Variants in TANC2 observed in about 807,000 individuals in gnomAD.
The protein encoded by TANC2 is protein TANC2.
A neutral mutation model predicts 210.5 loss-of-function variants in TANC2; 26 were observed. The ratio of observed to expected loss-of-function variants is 0.12; its 90% CI spans 0.09 to 0.17. TANC2 has a LOEUF of 0.17. Ranked by LOEUF, TANC2 falls within the 10% of genes least tolerant of loss-of-function variation. The pLI is 1.00. For synonymous variants in TANC2, 931 were observed against 967.1 expected (o/e 0.96, Z 0.69); for missense variants, 2,129 against 2,608.9 (o/e 0.82, Z 4.01).
intron 9 of TANC2, among the ~76,000 whole-genome samples, chr17:63,304,691 C>CT (rs576643917): frequency 1.9e-4 from 29 of 152,194 alleles, no homozygotes; most frequent in Non-Finnish European, 3.5e-4. Context: ...GGAGCAAAGA[C>CT]TAAGTCTGCT....
intron 5 of TANC2, among the ~76,000 whole-genome samples, chr17:63,176,240 A>G (rs1483073653): frequency 6.6e-6 from 1 of 152,228 alleles, no homozygotes; most frequent in African/African-American, 2.4e-5. Context: ...AAGACTTTAC[A>G]TGGACATTTA....
rs1488275197 is a variant in TANC2 at position 63,203,799 on chromosome 17, A to G, written c.769+2842A>G. On this transcript the variant is annotated intron_variant, in intron 7 of 27. Coordinates refer to ENST00000689528, the Ensembl canonical transcript of TANC2. ...GAATGAGCCAGTGGACACCAAAAAA[A>G]AAGTAGTCAGATAAATAGGAGAAAA... 2.0e-5 allele frequency among the ~76,000 whole-genome samples: 3 copies of G among 152,208 alleles called. No homozygotes were observed. The East Asian group carries it at 5.8e-4, about 29-fold the overall frequency.
intron 2 of TANC2, among the ~76,000 whole-genome samples, chr17:63,014,598 C>A (rs555472567): frequency 3.3e-5 from 5 of 152,240 alleles, no homozygotes; most frequent in Admixed American, 3.3e-4. Flanking sequence ...TGCATGGCCA[C>A]TAATGTCTTT....
chr17:63,253,193 G>A (rs1243247088), intron 8 of TANC2, among the ~76,000 whole-genome samples: 3 of 152,132 alleles, frequency 2.0e-5, no homozygotes, highest in African/African-American at 7.2e-5. Flanking sequence ...GCATTTCTCT[G>A]ATGTCAGTGA....
intron 7 of TANC2, among the ~76,000 whole-genome samples, chr17:63,209,312 C>A (rs2041815990): frequency 6.6e-6 from 1 of 152,008 alleles, no homozygotes; most frequent in South Asian, 2.1e-4. Flanking sequence ...TGCACCCGGC[C>A]ACACTTTTTT....
chr17:63,168,434 T>A (rs2040290541), intron 5 of TANC2, among the ~76,000 whole-genome samples: 1 of 152,196 alleles, frequency 6.6e-6, no homozygotes, highest in Admixed American at 6.5e-5. Context: ...CAAGGGACCA[T>A]TCTTCCTACC....
At chr17:63,282,945 T>A (rs1309833445) in intron 9 of TANC2, among the ~76,000 whole-genome samples, 1 of 152,088 alleles carries the variant, frequency 6.6e-6, no homozygotes, top group African/African-American at 2.4e-5. Flanking sequence ...CAGTGTCTTT[T>A]GAAGACAGAA....
chr17:63,305,067 G>A (rs1358177930), intron 9 of TANC2, among the ~76,000 whole-genome samples: 2 of 152,224 alleles, frequency 1.3e-5, no homozygotes, highest in African/African-American at 4.8e-5. Context: ...AGATGGCTTA[G>A]ACAGCAGGCA....
chr17:62,967,546 C>G (rs1221880033), intron 1 of TANC2: 1 of 152,198 alleles, frequency 6.6e-6, no homozygotes, highest in Non-Finnish European at 1.5e-5. Context: ...ACTCTCTTCT[C>G]TGCTCCTCTC....
At chr17:63,252,889 G>A (rs765036704) in intron 8 of TANC2, among the ~76,000 whole-genome samples, 61 of 152,134 alleles carry the variant, frequency 4.0e-4, no homozygotes, top group Admixed American at 6.6e-4. Context: ...TTCTGTTGAT[G>A]GACACTTAGG....
intron 9 of TANC2, among the ~76,000 whole-genome samples, chr17:63,292,580 G>T (rs973698439): frequency 6.6e-6 from 1 of 152,188 alleles, no homozygotes; most frequent in Admixed American, 6.5e-5. Context: ...CAAACTTTGG[G>T]TGGTAAAAGG....
At chr17:63,178,226 G>T (rs913407605) in intron 5 of TANC2, among the ~76,000 whole-genome samples, 9 of 152,084 alleles carry the variant, frequency 5.9e-5, no homozygotes, top group African/African-American at 2.2e-4. Flanking sequence ...CCAGCTACTC[G>T]GGAGGCTGAG....
At chr17:63,299,484 A>T (rs2044640021) in intron 9 of TANC2, among the ~76,000 whole-genome samples, 1 of 148,086 alleles carries the variant, frequency 6.8e-6, no homozygotes, top group Admixed American at 6.7e-5. Flanking sequence ...ATGAGATGGT[A>T]TCTCATTGTG....
chr17:63,374,882 A>G (rs1216539967), intron 14 of TANC2, among the ~76,000 whole-genome samples: 2 of 152,184 alleles, frequency 1.3e-5, no homozygotes, highest in Non-Finnish European at 2.9e-5. Context: ...GATTATTGGG[A>G]TGGCCAGGGA....
At chr17:62,993,007 G>C (rs1041559569) in intron 1 of TANC2, among the ~76,000 whole-genome samples, 1 of 152,178 alleles carries the variant, frequency 6.6e-6, no homozygotes, top group African/African-American at 2.4e-5. Flanking sequence ...GGCCATCTGC[G>C]TTACTTGGCT....
At chr17:63,125,957 T>G (rs1440669218) in intron 4 of TANC2, among the ~76,000 whole-genome samples, 1 of 152,220 alleles carries the variant, frequency 6.6e-6, no homozygotes, top group African/African-American at 2.4e-5. Flanking sequence ...CTGACTGATA[T>G]GCCTTACTTC....
intron 1 of TANC2, among the ~76,000 whole-genome samples, chr17:63,007,683 C>T (rs535366594): frequency 6.6e-6 from 1 of 152,172 alleles, no homozygotes; most frequent in Admixed American, 6.5e-5. Context: ...TTGGGTAATA[C>T]AGATATCTTA....
chr17:62,984,068 A>G (rs913557615), intron 1 of TANC2, among the ~76,000 whole-genome samples: 2 of 152,114 alleles, frequency 1.3e-5, no homozygotes, highest in Admixed American at 1.3e-4. Flanking sequence ...AGGCTTTGGT[A>G]AAATTCAGCA....
chr17:63,038,120 A>G (rs1028933192), intron 2 of TANC2, among the ~76,000 whole-genome samples: 8 of 152,124 alleles, frequency 5.3e-5, no homozygotes, highest in African/African-American at 7.2e-5. Flanking sequence ...CTGGGGGGAA[A>G]CATTGCTTTT....
Sources: gnomAD v4.1 joint callset for allele counts (sites outside exome capture counted in the v4.1 genomes callset) on GRCh38, gnomAD v4.1.1 for gene constraint, MANE v1.5 for transcripts, NCBI Gene and HGNC (gene_info 2026-07-23, HGNC 2026-07-21) for gene names.